Variants in CREB3L2 observed in about 807,000 individuals in gnomAD.
The protein encoded by CREB3L2 is cyclic AMP-responsive element-binding protein 3-like protein 2.
A neutral mutation model predicts 57.2 loss-of-function variants in CREB3L2; 23 were observed. The observed-to-expected ratio is 0.40, with a 90% confidence interval of 0.29 to 0.57. The LOEUF is 0.57. Ranked by LOEUF, CREB3L2 falls within the 20% of genes least tolerant of loss-of-function variation. CREB3L2 has a pLI of 0.42. For synonymous variants in CREB3L2, 268 were observed against 265.1 expected (o/e 1.01, Z -0.11); for missense variants, 628 against 634.7 (o/e 0.99, Z 0.11).
intron 1 of CREB3L2, among the ~76,000 whole-genome samples, chr7:137,937,544 T>C (rs925234748): frequency 1.8e-4 from 28 of 152,064 alleles, no homozygotes; most frequent in African/African-American, 6.5e-4. Context: ...GGTGACCTTG[T>C]CAAAGTCCCA....
chr7:137,914,395 G>A (rs1334409340), intron 3 of CREB3L2, among the ~76,000 whole-genome samples: 3 of 152,080 alleles, frequency 2.0e-5, no homozygotes, highest in Non-Finnish European at 2.9e-5. Context: ...ACTTTGGGAC[G>A]CTGAGGTGGG....
intron 1 of CREB3L2, among the ~76,000 whole-genome samples, chr7:137,974,550 TG>T (rs1230232218): frequency 6.6e-6 from 1 of 152,064 alleles, no homozygotes; most frequent in Non-Finnish European, 1.5e-5. Context: ...CTCTTAAACT[TG>T]GGGATGACAC....
intron 1 of CREB3L2, among the ~76,000 whole-genome samples, chr7:137,973,933 C>A (rs899468777): frequency 1.1e-4 from 17 of 152,174 alleles, no homozygotes; most frequent in African/African-American, 4.1e-4. Context: ...TCATCATTGT[C>A]TCTGCTGAAG....
intron 6 of CREB3L2, among the ~76,000 whole-genome samples, chr7:137,905,290 T>C (rs934505053): frequency 2.7e-5 from 4 of 148,726 alleles, no homozygotes; most frequent in Non-Finnish European, 5.9e-5. Flanking sequence ...ATATATAATA[T>C]ATATATATGC....
At chr7:137,921,874 G>A (rs1348989971) in intron 2 of CREB3L2, among the ~76,000 whole-genome samples, 1 of 151,762 alleles carries the variant, frequency 6.6e-6, no homozygotes, top group Non-Finnish European at 1.5e-5. Context: ...AGGCCCAAGC[G>A]ATCCTGCCGC....
chr7:137,997,720 C>T (rs1461818901), intron 1 of CREB3L2, among the ~76,000 whole-genome samples: 1 of 131,698 alleles, frequency 7.6e-6, no homozygotes, highest in Non-Finnish European at 1.6e-5. Flanking sequence ...AGAACAAGAC[C>T]CATCTCAAAA....
At chr7:137,973,500 C>T (rs528491220) in intron 1 of CREB3L2, among the ~76,000 whole-genome samples, 1 of 152,320 alleles carries the variant, frequency 6.6e-6, no homozygotes, top group East Asian at 1.9e-4. Flanking sequence ...TTGGAGTCTG[C>T]TGTGCTCCTT....
At chr7:137,963,310 C>G (rs1801356480) in intron 1 of CREB3L2, among the ~76,000 whole-genome samples, 1 of 152,210 alleles carries the variant, frequency 6.6e-6, no homozygotes, top group African/African-American at 2.4e-5. Context: ...TTCCTATTCA[C>G]AAAGGATCTC....
intron 1 of CREB3L2, among the ~76,000 whole-genome samples, chr7:137,964,086 G>A (rs919011947): frequency 3.9e-5 from 6 of 152,224 alleles, no homozygotes; most frequent in South Asian, 2.1e-4. Flanking sequence ...AGGTCGTGGC[G>A]GGCGGATCAC....
intron 10 of CREB3L2, chr7:137,884,528 G>A (rs1378289772): frequency 3.5e-5 from 8 of 226,866 alleles, no homozygotes; most frequent in East Asian, 1.1e-4. Context: ...GGTTACAGGC[G>A]TGAGCCACCA....
chr7:137,940,915 A>T (rs1563260649), intron 1 of CREB3L2, among the ~76,000 whole-genome samples: 1 of 152,136 alleles, frequency 6.6e-6, no homozygotes, highest in Admixed American at 6.5e-5. Context: ...CTCAGGCATG[A>T]CTCTGCCAGG....
At position 137,880,523 on chromosome 7, in the gene CREB3L2, T is replaced by C; in HGVS notation, c.1516A>G (p.Thr506Ala). 1 of 1,614,016 alleles carries C rather than the reference T, an allele frequency of 6.2e-7. No homozygotes were observed. Among genetic ancestry groups the C allele is most frequent in the Non-Finnish European group, 8.5e-7 (1 of 1,179,954 alleles). Residue 506 changes from threonine (T) to alanine (A), a missense_variant, in exon 12 of 12, where the codon ACA becomes GCA. Thr to Ala is a moderately conservative substitution (Grantham distance 58). Coordinates refer to ENST00000330387, the MANE Select transcript of CREB3L2 (RefSeq NM_194071.4). The surrounding 1 kb of genome is among the most constrained non-coding windows in gnomAD (Gnocchi z 4.0). The part of the protein sequence containing the change: ...LVSAKLEGNE[T>A]LKVVELDRRV... Reference sequence around the variant, plus strand: ...CTGTCGAGTTCTACAACTTTTAGTGTTTCATTCCCCTCCAGTTTGGCGCTG... The same window carrying C: ...CTGTCGAGTTCTACAACTTTTAGTGCTTCATTCCCCTCCAGTTTGGCGCTG...
At chr7:137,891,943 G>A (rs1296535979) in intron 8 of CREB3L2, among the ~76,000 whole-genome samples, 1 of 152,150 alleles carries the variant, frequency 6.6e-6, no homozygotes, top group African/African-American at 2.4e-5. Context: ...AGTGGTGTGT[G>A]CGGGTGCACA....
intron 5 of CREB3L2, among the ~76,000 whole-genome samples, chr7:137,906,575 A>G (rs1161416847): frequency 6.6e-6 from 1 of 152,232 alleles, no homozygotes; most frequent in Non-Finnish European, 1.5e-5. Flanking sequence ...ACTGATACCC[A>G]TGAAAGGATA....
chr7:137,882,300 C>T, intron 11 of CREB3L2, 112 bp downstream of exon 11: 7 of 751,428 alleles, frequency 9.3e-6, no homozygotes, highest in Non-Finnish European at 1.1e-5. Context: ...CCTGAGAGAG[C>T]TGAGGGACTG....
chr7:137,914,725 A>G (rs1284616003), intron 3 of CREB3L2, among the ~76,000 whole-genome samples: 1 of 152,196 alleles, frequency 6.6e-6, no homozygotes, highest in African/African-American at 2.4e-5. Flanking sequence ...AGACTCAGGT[A>G]GCTACTGAGA....
At position 137,884,926 on chromosome 7, in the gene CREB3L2, G is replaced by T. The variant is rs1238343517; in HGVS notation, c.1270+69C>A. On this transcript the variant is annotated intron_variant, in intron 10 of 11. Transcript: ENST00000330387. ...GGACTTTCACAGAAGATTCCTTTTG[G>T]AAGACTGAGAAACCCAGCTCTAGGG... 1.9e-6 allele frequency: 3 copies of T among 1,583,002 alleles called. No individual in the cohort carries two copies. In the East Asian group the frequency reaches 6.7e-5, roughly 35 times the overall value.
At chr7:137,902,521 T>C (rs960621489) in intron 7 of CREB3L2, among the ~76,000 whole-genome samples, 3 of 152,152 alleles carry the variant, frequency 2.0e-5, no homozygotes, top group African/African-American at 7.2e-5. Context: ...ATCTTGACCC[T>C]GGATGCCCAT....
intron 8 of CREB3L2, among the ~76,000 whole-genome samples, chr7:137,895,354 G>A (rs1393730171): frequency 6.6e-6 from 1 of 152,208 alleles, no homozygotes; most frequent in Non-Finnish European, 1.5e-5. Flanking sequence ...TGTATTTCTT[G>A]ATGGAGCACA....
Sources: gnomAD v4.1 joint callset for allele counts (sites outside exome capture counted in the v4.1 genomes callset) on GRCh38, gnomAD v4.1.1 for gene constraint, Gnocchi (gnomAD v3.1) non-coding constraint, MANE v1.5 for transcripts, NCBI Gene and HGNC (gene_info 2026-07-23, HGNC 2026-07-21) for gene names.